The following ZNF682 variants were observed in gnomAD, a reference collection of about 807,000 sequenced individuals.
ZNF682 encodes zinc finger protein 682.
Under a neutral mutation model 36.5 loss-of-function variants are expected in ZNF682, and 29 were observed. That is an observed-to-expected ratio of 0.80 (90% CI 0.59 to 1.08). The LOEUF is 1.08. Ranked by LOEUF, ZNF682 falls within the 50% of genes least tolerant of loss-of-function variation. The pLI, the probability that ZNF682 is intolerant of heterozygous loss-of-function variation, is 0.00. For synonymous variants in ZNF682, 180 were observed against 197.0 expected, an observed-to-expected ratio of 0.91 and a Z score of 0.72; for missense variants, 561 against 579.7, an observed-to-expected ratio of 0.97 and a Z score of 0.33.
chr19:20,039,448 C>G lies in ZNF682; in HGVS notation c.-103G>C. On this transcript the variant is annotated 5_prime_UTR_variant, in exon 1 of 4. Transcript: ENST00000397165. ...CGACAGTCACCGGGAACTACTAGAG[C>G]AGAGGATACTAAGCAATGAAGATGG... is the stretch of plus-strand genomic sequence containing the variant. The G allele has an allele frequency of 6.7e-7, 1 of 1,496,078 alleles. No homozygotes were observed. Among genetic ancestry groups the G allele is most frequent in the Non-Finnish European group, 9.2e-7 (1 of 1,091,862 alleles). The allele number at this position is 1,496,078 out of a possible 1,614,324, so 92.7% of individuals were successfully genotyped here. A position where few individuals can be genotyped will look rare whatever the true frequency, so the allele number is the denominator to read the frequency against.
At chr19:20,001,082 C>T (rs1430049835), downstream of ZNF682, among the ~76,000 whole-genome samples, 1 of 152,168 alleles carries the variant, frequency 6.6e-6, no homozygotes, top group Non-Finnish European at 1.5e-5. Flanking sequence ...ACAATCTGGC[C>T]TTCATTCGTC....
chr19:19,995,986 GA>G (rs1442306426), downstream of ZNF682, among the ~76,000 whole-genome samples: 3 of 152,178 alleles, frequency 2.0e-5, no homozygotes, highest in Admixed American at 6.5e-5. Context: ...GGCCCCACAG[GA>G]TATGGGAGGC....
At chr19:20,030,826 G>GATC (rs2088473328) in intron 1 of ZNF682, 1 of 152,196 alleles carries the variant, frequency 6.6e-6, no homozygotes. Context: ...GTAATTGGTT[G>GATC]ATCAGTCTCC....
Position 20,023,009 on chromosome 19 carries a change from G to A in ZNF682, c.221C>T (p.Pro74Leu). The A allele has an allele frequency of 1.2e-6, 2 of 1,612,590 alleles. No homozygotes were observed. The highest frequency in any genetic ancestry group is 8.5e-7 in the Non-Finnish European group (1 of 1,179,046). The change falls in exon 3 of 4, where the codon CCC (proline) becomes CTC (leucine). Residue 74 changes from proline (P) to leucine (L), a missense_variant. Transcript: ENST00000397165. ...GTTTCATTCATCCAACCTACCTGGG[G>A]GTTTGGCTATGGTCTCATGTCTCTT... ...NVKRHETIAK[P>L]PAMSSHYTED...
At chr19:19,999,463 A>G (rs2088150267), downstream of ZNF682, among the ~76,000 whole-genome samples, 1 of 152,202 alleles carries the variant, frequency 6.6e-6, no homozygotes, top group Non-Finnish European at 1.5e-5. Context: ...TAATATGGCC[A>G]TCTGAAGCCT....
chr19:20,025,858 A>C (rs933686975), intron 1 of ZNF682, among the ~76,000 whole-genome samples: 8 of 152,190 alleles, frequency 5.3e-5, no homozygotes, highest in Non-Finnish European at 8.8e-5. Flanking sequence ...AGCTACAGAT[A>C]TCTCCCAGGT....
intron 1 of ZNF682, among the ~76,000 whole-genome samples, chr19:20,033,037 G>T (rs547944716): frequency 6.6e-6 from 1 of 152,146 alleles, no homozygotes; most frequent in African/African-American, 2.4e-5. Context: ...AGGCCGAGGT[G>T]GGCAGATCAC....
intron 3 of ZNF682, among the ~76,000 whole-genome samples, chr19:19,998,640 T>C (rs140751936): frequency 1.3e-5 from 2 of 152,310 alleles, no homozygotes; most frequent in East Asian, 3.9e-4. Context: ...CAACAGAAGC[T>C]GGACTGGGGA....
At position 20,006,306 on chromosome 19, in the gene ZNF682, C is replaced by T; in HGVS notation, c.1196G>A (p.Cys399Tyr). The T allele has an allele frequency of 6.2e-7, 1 of 1,613,608 alleles. No homozygotes were observed. Among genetic ancestry groups the T allele is most frequent in the Non-Finnish European group, 8.5e-7 (1 of 1,179,968 alleles). ...GTTAAAAGCTTTGCCACATTCTTCACATTTGTAGGGTTTCTCTCCAGTGTG... is the reference window on the plus strand; with the variant it reads ...GTTAAAAGCTTTGCCACATTCTTCATATTTGTAGGGTTTCTCTCCAGTGTG... ...RIHTGEKPYK[C>Y]EECGKAFNWS... Residue 399 changes from cysteine (C) to tyrosine (Y), a missense_variant, in exon 4 of 4, where the codon TGT becomes TAT. Physicochemically the swap from Cys to Tyr is radical, Grantham distance 194. Coordinates refer to ENST00000397165, the MANE Select transcript of ZNF682 (RefSeq NM_033196.3).
intron 1 of ZNF682, among the ~76,000 whole-genome samples, chr19:20,035,825 T>C (rs1342909962): frequency 6.6e-6 from 1 of 151,920 alleles, no homozygotes; most frequent in Non-Finnish European, 1.5e-5. Flanking sequence ...AACCTCTGCC[T>C]CCCAGGTTCA....
Position 20,027,376 on chromosome 19 carries a change from C to T in ZNF682, c.4-3000G>A, listed in dbSNP as rs369702904. On this transcript the variant is annotated intron_variant, in intron 1 of 3. Coordinates refer to ENST00000397165, the MANE Select transcript of ZNF682 (RefSeq NM_033196.3). The stretch of plus-strand genomic sequence containing the variant: ...TGCCCTTCCATGCCAGAGATGGCAG[C>T]AATTTCTGCTGCAGCAAAGGGCCCA... 1.1e-4 allele frequency among the ~76,000 whole-genome samples: 17 copies of T among 152,326 alleles called. No individual in the cohort carries two copies. In the South Asian group the frequency reaches 3.5e-3, roughly 32 times the overall value.
At chr19:20,014,352 C>A (rs1421404040) in intron 3 of ZNF682, among the ~76,000 whole-genome samples, 1 of 152,052 alleles carries the variant, frequency 6.6e-6, no homozygotes, top group Non-Finnish European at 1.5e-5. Flanking sequence ...ACTTGCACAC[C>A]CATATTAATT....
intron 1 of ZNF682, among the ~76,000 whole-genome samples, chr19:20,038,097 G>T (rs917271184): frequency 6.6e-6 from 1 of 152,216 alleles, no homozygotes; most frequent in Non-Finnish European, 1.5e-5. Flanking sequence ...GGTGGCTGAG[G>T]ATGCATTGCC....
chr19:19,997,946 T>G (rs539819791), intron 3 of ZNF682, among the ~76,000 whole-genome samples: 2 of 152,210 alleles, frequency 1.3e-5, no homozygotes, highest in Non-Finnish European at 2.9e-5. Flanking sequence ...ACCGAGGTCA[T>G]GCACCTTGAG....
intron 1 of ZNF682, among the ~76,000 whole-genome samples, chr19:20,025,340 T>TA (rs2088421384): frequency 6.6e-6 from 1 of 152,140 alleles, no homozygotes; most frequent in African/African-American, 2.4e-5. Context: ...ACTTTATAAT[T>TA]AAAAAAAATC....
At chr19:19,998,228 A>T (rs2088139852) in intron 3 of ZNF682, among the ~76,000 whole-genome samples, 1 of 152,206 alleles carries the variant, frequency 6.6e-6, no homozygotes, top group Non-Finnish European at 1.5e-5. Flanking sequence ...TTGACAGAAG[A>T]GCTGGGAAAT....
At chr19:20,035,761 A>T (rs982601192) in intron 1 of ZNF682, among the ~76,000 whole-genome samples, 4 of 150,522 alleles carry the variant, frequency 2.7e-5, no homozygotes, top group Non-Finnish European at 4.4e-5. Context: ...TTTGAGATGG[A>T]GTCTCACTCT....
intron 1 of ZNF682, among the ~76,000 whole-genome samples, chr19:20,033,024 G>T (rs1396898220): frequency 1.3e-5 from 2 of 152,194 alleles, no homozygotes; most frequent in Non-Finnish European, 2.9e-5. Flanking sequence ...CCAGCACTTT[G>T]GGAGGCCGAG....
chr19:20,035,734 CTGTT>C (rs144083087), intron 1 of ZNF682, among the ~76,000 whole-genome samples: 117,488 of 150,148 alleles, frequency 0.78, 46,055 homozygotes, highest in Middle Eastern at 0.87. Flanking sequence ...GTACAAAATA[CTGTT>C]TGTTTGTTTT....
Sources: allele counts gnomAD v4.1 joint callset (sites outside exome capture counted in the v4.1 genomes callset), GRCh38; gene constraint gnomAD v4.1.1; transcripts MANE v1.5; gene names NCBI Gene and HGNC (gene_info 2026-07-23, HGNC 2026-07-21).